The following UVRAG variants were observed in gnomAD, a reference collection of about 807,000 sequenced individuals.
UVRAG encodes the protein UV radiation resistance associated.
A neutral mutation model predicts 78.0 loss-of-function variants in UVRAG; 19 were observed. The observed-to-expected ratio is 0.24, with a 90% confidence interval of 0.17 to 0.36. The LOEUF is 0.36. Among genes scored for constraint, UVRAG ranks in the 10% least tolerant of loss-of-function variants. The pLI is 1.00. For synonymous variants in UVRAG, 323 were observed against 324.6 expected (o/e 1.00, Z 0.05); for missense variants, 740 against 853.8 (o/e 0.87, Z 1.66).
intron 12 of UVRAG, among the ~76,000 whole-genome samples, chr11:76,020,507 G>A (rs937442243): frequency 2.3e-4 from 35 of 151,964 alleles, no homozygotes; most frequent in African/African-American, 8.2e-4. Context: ...CTGGCCCAGC[G>A]TGGGTCTAGA....
rs1477773460 is a variant in UVRAG, at chr11:76,020,757, G to A, written c.1226+3777G>A. ...CCCCGGCTAGTGTCCCATGTCCATTGCCTCTAAGGCCAGCACTAGCACTAG... is the reference window on the plus strand; with the variant it reads ...CCCCGGCTAGTGTCCCATGTCCATTACCTCTAAGGCCAGCACTAGCACTAG... On this transcript the variant is annotated intron_variant, in intron 12 of 14. Transcript: ENST00000356136. 2.1e-5 allele frequency among the ~76,000 whole-genome samples: 3 copies of A among 144,242 alleles called. No homozygotes were observed. In the East Asian group the frequency reaches 6.2e-4, roughly 30 times the overall value. 94.6% of individuals were successfully genotyped at this position (144,242 alleles called of 152,430 possible).
At chr11:75,890,554 G>A (rs1947193163) in intron 5 of UVRAG, among the ~76,000 whole-genome samples, 2 of 152,206 alleles carry the variant, frequency 1.3e-5, no homozygotes, top group African/African-American at 4.8e-5. Flanking sequence ...GGAAAACCAG[G>A]TTTGGTGGAG....
At chr11:76,084,865 C>T (rs1378199581) in intron 13 of UVRAG, among the ~76,000 whole-genome samples, 2 of 151,796 alleles carry the variant, frequency 1.3e-5, no homozygotes, top group Admixed American at 1.3e-4. Context: ...AGTTGGAGAC[C>T]AGCCTGGCCA....
At chr11:76,066,528 A>C (rs1951189397) in intron 13 of UVRAG, among the ~76,000 whole-genome samples, 1 of 151,850 alleles carries the variant, frequency 6.6e-6, no homozygotes, top group Non-Finnish European at 1.5e-5. Context: ...GCTGGAGTGC[A>C]ATGGCGCGAT....
chr11:75,876,723 A>G (rs1384534491), intron 3 of UVRAG, among the ~76,000 whole-genome samples: 4 of 151,756 alleles, frequency 2.6e-5, no homozygotes, highest in Non-Finnish European at 1.5e-5. Context: ...CACAAAGCCA[A>G]GAACAGTTAG....
At chr11:75,921,181 T>C (rs1947972307) in intron 6 of UVRAG, among the ~76,000 whole-genome samples, 1 of 152,190 alleles carries the variant, frequency 6.6e-6, no homozygotes, top group Admixed American at 6.5e-5. Flanking sequence ...GGGCACAAAA[T>C]AAATGGCATT....
chr11:75,902,960 T>C (rs929087533), intron 5 of UVRAG, among the ~76,000 whole-genome samples: 3 of 152,250 alleles, frequency 2.0e-5, no homozygotes, highest in Non-Finnish European at 2.9e-5. Context: ...TAAATTCTTA[T>C]TGTCTGCTAG....
intron 13 of UVRAG, among the ~76,000 whole-genome samples, chr11:76,080,044 A>G (rs1951469320): frequency 6.6e-6 from 1 of 152,140 alleles, no homozygotes; most frequent in Admixed American, 6.5e-5. Flanking sequence ...TGGAGAGAGG[A>G]AAATTGGACT....
At chr11:76,058,533 C>CAA (rs1565141695) in intron 12 of UVRAG, among the ~76,000 whole-genome samples, 221 of 93,234 alleles carry the variant, frequency 2.4e-3, no homozygotes, top group African/African-American at 7.7e-3. Context: ...GACCCTATCT[C>CAA]CAAAAAAAAA....
chr11:75,833,956 A>G (rs917533689), intron 1 of UVRAG, among the ~76,000 whole-genome samples: 2 of 152,192 alleles, frequency 1.3e-5, no homozygotes, highest in Non-Finnish European at 1.5e-5. Flanking sequence ...CATCACGAAC[A>G]TGTCACTAGT....
At chr11:76,039,289 T>C (rs927293130) in intron 12 of UVRAG, among the ~76,000 whole-genome samples, 1 of 152,184 alleles carries the variant, frequency 6.6e-6, no homozygotes, top group African/African-American at 2.4e-5. Flanking sequence ...GTGGTTGTTA[T>C]AAGAACTCAT....
intron 8 of UVRAG, among the ~76,000 whole-genome samples, chr11:75,985,866 T>C (rs575463011): frequency 5.9e-5 from 9 of 152,300 alleles, no homozygotes; most frequent in Admixed American, 2.0e-4. Context: ...GAACCCTCTG[T>C]TCTGTTCTAT....
chr11:76,083,979 G>A (rs1311960798), intron 13 of UVRAG, among the ~76,000 whole-genome samples: 1 of 152,200 alleles, frequency 6.6e-6, no homozygotes, highest in East Asian at 1.9e-4. Context: ...TCTAAGCAGT[G>A]GGCTTAGCCA....
At chr11:75,834,259 A>C (rs1305983194) in intron 1 of UVRAG, among the ~76,000 whole-genome samples, 1 of 152,174 alleles carries the variant, frequency 6.6e-6, no homozygotes, top group Non-Finnish European at 1.5e-5. Context: ...CTCCCTTAAA[A>C]AAAAAATAGG....
intron 14 of UVRAG, among the ~76,000 whole-genome samples, chr11:76,124,061 G>A (rs537490769): frequency 2.0e-5 from 3 of 152,346 alleles, no homozygotes; most frequent in African/African-American, 7.2e-5. Flanking sequence ...ACCACGCCCA[G>A]CTGAGTATCA....
At chr11:75,920,182 C>A (rs1035026279) in intron 6 of UVRAG, among the ~76,000 whole-genome samples, 3 of 151,492 alleles carry the variant, frequency 2.0e-5, no homozygotes, top group Non-Finnish European at 4.4e-5. Flanking sequence ...CGTGCCACCA[C>A]GCCTGGCTAA....
At chr11:76,079,913 T>C (rs1263322527) in intron 13 of UVRAG, among the ~76,000 whole-genome samples, 1 of 152,176 alleles carries the variant, frequency 6.6e-6, no homozygotes, top group African/African-American at 2.4e-5. Context: ...TATAACAGAA[T>C]ATCATGGACT....
chr11:75,968,676 C>T (rs1949070374), intron 7 of UVRAG, among the ~76,000 whole-genome samples: 1 of 152,140 alleles, frequency 6.6e-6, no homozygotes, highest in South Asian at 2.1e-4. Flanking sequence ...GCAGGTTATC[C>T]TCCTAGCCAG....
At chr11:75,984,833 A>G (rs1949465522) in intron 8 of UVRAG, among the ~76,000 whole-genome samples, 1 of 152,224 alleles carries the variant, frequency 6.6e-6, no homozygotes, top group Admixed American at 6.5e-5. Context: ...TTTAATGCCA[A>G]ATAGTATTCC....
Sources: allele counts gnomAD v4.1 joint callset (sites outside exome capture counted in the v4.1 genomes callset), GRCh38; gene constraint gnomAD v4.1.1; transcripts MANE v1.5; gene names NCBI Gene and HGNC (gene_info 2026-07-23, HGNC 2026-07-21).